Variants in ECHDC3 observed in about 807,000 individuals in gnomAD.
ECHDC3 encodes the protein enoyl-CoA hydratase domain-containing protein 3, mitochondrial.
In ECHDC3, 20 loss-of-function variants were observed where a neutral mutation model predicts 17.9. The ratio of observed to expected loss-of-function variants is 1.12; its 90% CI spans 0.79 to 1.63. The LOEUF (loss-of-function observed/expected upper bound fraction) is 1.63. Ranked by LOEUF, ECHDC3 falls within the 40% of genes most tolerant of loss-of-function variation. The pLI is 0.00. For missense variants in ECHDC3, 407 were observed against 357.7 expected (o/e 1.14, Z -1.11); for synonymous variants, 177 against 149.7 (o/e 1.18, Z -1.33).
rs1175197362 is a variant in ECHDC3, at chr10:11,742,388, C to A, written c.-189C>A. On this transcript the variant is annotated 5_prime_UTR_variant, in exon 1 of 5. Transcript: ENST00000379215. Reference sequence around the variant, plus strand: ...GGGCGTGCCGGGGCGGGGCGTAGTACGGACTGGGCCTGGCCTGGGGCGTCC... The same window carrying A: ...GGGCGTGCCGGGGCGGGGCGTAGTAAGGACTGGGCCTGGCCTGGGGCGTCC... 1 of 305,860 alleles carries A rather than the reference C, an allele frequency of 3.3e-6. No individual in the cohort carries two copies. The highest frequency in any genetic ancestry group is 5.0e-6 in the Non-Finnish European group (1 of 199,974). The allele number at this position is 305,860 out of a possible 1,614,324, so 18.9% of individuals were successfully genotyped here. A position where few individuals can be genotyped will look rare whatever the true frequency, so the allele number is the denominator to read the frequency against.
intron 1 of ECHDC3, among the ~76,000 whole-genome samples, chr10:11,745,906 G>T (rs1445896521): frequency 6.6e-6 from 1 of 152,170 alleles, no homozygotes; most frequent in Admixed American, 6.5e-5. Flanking sequence ...CCCTTTGGAC[G>T]CCAGCTTTTT....
intron 4 of ECHDC3, among the ~76,000 whole-genome samples, chr10:11,761,363 C>T (rs1286616264): frequency 9.9e-5 from 15 of 152,126 alleles, no homozygotes; most frequent in Admixed American, 9.8e-4. Context: ...CAGGACAGCC[C>T]CCACCCTCCC....
At chr10:11,749,147 C>T (rs1325005066) in intron 2 of ECHDC3, among the ~76,000 whole-genome samples, 6 of 152,316 alleles carry the variant, frequency 3.9e-5, no homozygotes, top group African/African-American at 1.2e-4. Flanking sequence ...TTGTGTGACT[C>T]AATACACTCA....
chr10:11,744,648 C>A (rs959660402), intron 1 of ECHDC3, among the ~76,000 whole-genome samples: 3 of 151,854 alleles, frequency 2.0e-5, no homozygotes, highest in Non-Finnish European at 4.4e-5. Context: ...TGTTTTGAAC[C>A]AAGATGGCCA....
chr10:11,745,036 G>C (rs1209027488), intron 1 of ECHDC3, among the ~76,000 whole-genome samples: 1 of 152,232 alleles, frequency 6.6e-6, no homozygotes, highest in African/African-American at 2.4e-5. Flanking sequence ...GGACCGACCA[G>C]AGAAGTACAA....
chr10:11,749,773 C>CTTTTTT lies in ECHDC3; in HGVS notation c.390+216_390+221dup, dbSNP rs869115508. On this transcript the variant is annotated intron_variant, in intron 3 of 4. Transcript: ENST00000379215. ...AATCCAGCAATTATTTGGTTTAGAC[C>CTTTTTT]TTTTTTTTTTTTTTTTTTTTTTTTT... 9.2e-5 allele frequency among the ~76,000 whole-genome samples: 6 copies of CTTTTTT among 65,502 alleles called. 1 individual carries two copies. Among genetic ancestry groups the CTTTTTT allele is most frequent in the African/African-American group, 3.9e-4 (6 of 15,276 alleles). 43.0% of individuals were successfully genotyped at this position (65,502 alleles called of 152,430 possible). A position where few individuals can be genotyped will look rare whatever the true frequency, so the allele number is the denominator to read the frequency against.
intron 4 of ECHDC3, among the ~76,000 whole-genome samples, chr10:11,760,497 C>CT (rs372709266): frequency 1.3e-5 from 2 of 152,240 alleles, no homozygotes; most frequent in African/African-American, 4.8e-5. Flanking sequence ...CCTTCCAGCT[C>CT]TGACTCCATT....
At chr10:11,744,817 T>C (rs1285136770) in intron 1 of ECHDC3, among the ~76,000 whole-genome samples, 1 of 152,082 alleles carries the variant, frequency 6.6e-6, no homozygotes, top group Non-Finnish European at 1.5e-5. Flanking sequence ...GGGCCAGGTT[T>C]GAGAATGGGG....
Position 11,742,473 on chromosome 10 carries a change from T to A in ECHDC3, c.-104T>A. On this transcript the variant is annotated 5_prime_UTR_variant, in exon 1 of 5. Coordinates refer to ENST00000379215, the MANE Select transcript of ECHDC3 (RefSeq NM_024693.5). ...GGGTCTCGGCCACCGTCGAGTTCCGTCGAGTTCCGTCCCGGCCCTGCTCAC... is the reference window on the plus strand; with the variant it reads ...GGGTCTCGGCCACCGTCGAGTTCCGACGAGTTCCGTCCCGGCCCTGCTCAC... 1.8e-6 allele frequency: 2 copies of A among 1,137,314 alleles called. No individual in the cohort carries two copies. Among genetic ancestry groups the A allele is most frequent in the Non-Finnish European group, 2.2e-6 (2 of 904,582 alleles). The allele number at this position is 1,137,314 out of a possible 1,614,324, so 70.5% of individuals were successfully genotyped here. A position where few individuals can be genotyped will look rare whatever the true frequency, so the allele number is the denominator to read the frequency against.
rs201396395 is a variant in ECHDC3 at position 11,763,284 on chromosome 10, G to T, written c.652G>T (p.Gly218Trp). Residue 218 changes from glycine to tryptophan, a missense_variant, in exon 5 of 5, where the codon GGG becomes TGG. By Grantham distance (184) the Gly-to-Trp change is radical. Transcript: ENST00000379215. This position sits in a 1 kb window ranked among gnomAD's most constrained non-coding sequence, Gnocchi z 4.9. ...PISAQEALLHGLLSKVVPEAE... is the reference protein window; with the variant it reads ...PISAQEALLHWLLSKVVPEAE... Reference sequence around the variant, plus strand: ...TTCTGCCCAGGAGGCCCTGCTCCACGGGCTGCTTAGCAAGGTGGTGCCAGA... The same window carrying T: ...TTCTGCCCAGGAGGCCCTGCTCCACTGGCTGCTTAGCAAGGTGGTGCCAGA... The T allele has an allele frequency of 1.3e-6, 1 of 780,172 alleles. No homozygotes were observed. The highest frequency in any genetic ancestry group is 1.7e-5 in the African/African-American group (1 of 59,190). The allele number at this position is 780,172 out of a possible 1,614,324, so 48.3% of individuals were successfully genotyped here.
intron 3 of ECHDC3, 83 bp downstream of exon 3, chr10:11,749,675 A>G (rs1009150495): frequency 8.9e-6 from 12 of 1,354,588 alleles, no homozygotes; most frequent in Non-Finnish European, 1.2e-5. Context: ...CCTTACAGAT[A>G]AGATTTTATC....
intron 4 of ECHDC3, among the ~76,000 whole-genome samples, chr10:11,759,941 G>A (rs1411284529): frequency 6.6e-6 from 1 of 152,242 alleles, no homozygotes; most frequent in Middle Eastern, 3.2e-3. Context: ...CAAACTCCAA[G>A]GCGTTAGTTG....
At chr10:11,756,627 T>C (rs1248051516) in intron 4 of ECHDC3, among the ~76,000 whole-genome samples, 1 of 152,194 alleles carries the variant, frequency 6.6e-6, no homozygotes, top group Admixed American at 6.5e-5. Flanking sequence ...CACACACACT[T>C]AGGACAGTGG....
chr10:11,750,043 C>G (rs7084575), intron 3 of ECHDC3, among the ~76,000 whole-genome samples: 140,582 of 152,054 alleles, frequency 0.92, 66,053 homozygotes, highest in East Asian at 1. Context: ...TGATCCTCCT[C>G]CCTCGACCTT....
At chr10:11,756,750 ATT>A (rs58664530) in intron 4 of ECHDC3, among the ~76,000 whole-genome samples, 12 of 144,566 alleles carry the variant, frequency 8.3e-5, no homozygotes, top group Admixed American at 2.1e-4. Context: ...TCATTCAGTA[ATT>A]TTTTTTTTTT....
intron 4 of ECHDC3, among the ~76,000 whole-genome samples, chr10:11,762,290 C>T (rs538528930): frequency 6.6e-5 from 10 of 152,228 alleles, no homozygotes; most frequent in South Asian, 2.1e-4. Flanking sequence ...GCAATGAGGG[C>T]GTGTGCCAGG....
At position 11,746,562 on chromosome 10, in the gene ECHDC3, G is replaced by A. The variant is rs185384320; in HGVS notation, c.171-787G>A. 9.2e-5 allele frequency among the ~76,000 whole-genome samples: 14 copies of A among 152,066 alleles called. No homozygotes were observed. The East Asian group carries it at 1.5e-3, about 17-fold the overall frequency. ...CCATCTTCCATCACGTGATTATTGC[G>A]CATTGCTTGCCTGTGTCAAAACATC... On this transcript the variant is annotated intron_variant, in intron 1 of 4. Coordinates refer to ENST00000379215, the MANE Select transcript of ECHDC3 (RefSeq NM_024693.5).
At chr10:11,761,917 GA>G (rs1457831023) in intron 4 of ECHDC3, among the ~76,000 whole-genome samples, 1 of 152,078 alleles carries the variant, frequency 6.6e-6, no homozygotes, top group Admixed American at 6.6e-5. Flanking sequence ...TCCAGTGCTG[GA>G]GATACAGAAA....
intron 3 of ECHDC3, among the ~76,000 whole-genome samples, chr10:11,753,284 G>A (rs1207403226): frequency 3.9e-5 from 6 of 152,160 alleles, no homozygotes; most frequent in Admixed American, 3.9e-4. Context: ...TCGGGAGGCT[G>A]AGGCAGGAGA....
Sources: gnomAD v4.1 joint callset for allele counts (sites outside exome capture counted in the v4.1 genomes callset) on GRCh38, gnomAD v4.1.1 for gene constraint, Gnocchi (gnomAD v3.1) non-coding constraint, MANE v1.5 for transcripts, NCBI Gene and HGNC (gene_info 2026-07-23, HGNC 2026-07-21) for gene names.